CHCHD3: variants seen among roughly 807,000 people sequenced by gnomAD.
CHCHD3 encodes the protein MICOS complex subunit MIC19.
Under a neutral mutation model 38.2 loss-of-function variants are expected in CHCHD3, and 20 were observed. The observed-to-expected ratio is 0.52, with a 90% CI of 0.37 to 0.76. CHCHD3 has a LOEUF of 0.76. CHCHD3 is among the 30% of genes least tolerant of loss of function. The pLI, the probability that CHCHD3 is intolerant of heterozygous loss-of-function variation, is 0.00. For missense variants in CHCHD3, 245 were observed against 279.2 expected (o/e 0.88, Z 0.87); for synonymous variants, 82 against 100.0 (o/e 0.82, Z 1.07).
At chr7:132,911,287 C>T (rs371405016) in intron 4 of CHCHD3, among the ~76,000 whole-genome samples, 2 of 152,114 alleles carry the variant, frequency 1.3e-5, no homozygotes, top group African/African-American at 4.8e-5. Context: ...AGATGACTGG[C>T]CACCCCCATC....
At chr7:132,895,079 G>A (rs1395293028) in intron 4 of CHCHD3, among the ~76,000 whole-genome samples, 1 of 152,198 alleles carries the variant, frequency 6.6e-6, no homozygotes, top group African/African-American at 2.4e-5. Context: ...TTAGATATGA[G>A]TTCTTATCAG....
chr7:132,931,593 G>GTATAATTAATGTGGGTATTT, intron 4 of CHCHD3, among the ~76,000 whole-genome samples: 1 of 151,976 alleles, frequency 6.6e-6, no homozygotes, highest in Non-Finnish European at 1.5e-5. Context: ...ATAATTTTAG[G>GTATAATTAATGTGGGTATTT]CATTAATGTG....
chr7:132,901,242 G>A (rs1809658000), intron 4 of CHCHD3, among the ~76,000 whole-genome samples: 2 of 152,196 alleles, frequency 1.3e-5, no homozygotes, highest in Admixed American at 1.3e-4. Flanking sequence ...ATAAGATCTT[G>A]GGAATAACAA....
chr7:133,044,515 C>G (rs932802971), intron 2 of CHCHD3, among the ~76,000 whole-genome samples: 1 of 152,050 alleles, frequency 6.6e-6, no homozygotes, highest in Admixed American at 6.6e-5. Context: ...AATAATAATA[C>G]AAGAAGTACT....
In CHCHD3 at chr7:133,009,398, C is replaced by T. The variant is rs921664757; in HGVS notation, c.251+15148G>A. ...AAAAAAAAAAAAGTACAGGAACACA[C>T]TGAAACTCAGAACAATTTGCCATCC... On this transcript the variant is annotated intron_variant, in intron 3 of 7. Coordinates refer to ENST00000262570, the MANE Select transcript of CHCHD3 (RefSeq NM_017812.4). Among the ~76,000 whole-genome samples, 57 of 149,224 alleles carry T rather than the reference C, an allele frequency of 3.8e-4. 1 individual carries two copies. Among genetic ancestry groups the T allele is most frequent in the African/African-American group, 1.4e-3 (56 of 40,452 alleles).
At chr7:132,889,436 A>C (rs763086526) in intron 4 of CHCHD3, among the ~76,000 whole-genome samples, 1 of 152,152 alleles carries the variant, frequency 6.6e-6, no homozygotes, top group Non-Finnish European at 1.5e-5. Context: ...CAACAAATTT[A>C]ATTTTGAAGA....
At chr7:133,051,399 T>G (rs1275040840) in intron 2 of CHCHD3, among the ~76,000 whole-genome samples, 1 of 152,164 alleles carries the variant, frequency 6.6e-6, no homozygotes, top group Non-Finnish European at 1.5e-5. Flanking sequence ...CCTACCAACC[T>G]TGACAGTACC....
intron 3 of CHCHD3, 95 bp downstream of exon 3, chr7:133,024,451 C>T (rs1813276179): frequency 3.1e-6 from 3 of 974,432 alleles, no homozygotes; most frequent in South Asian, 1.3e-5. Flanking sequence ...CAGTCATACA[C>T]AAATAATGAG....
intron 5 of CHCHD3, among the ~76,000 whole-genome samples, chr7:132,883,612 G>T (rs920194704): frequency 1.3e-5 from 2 of 152,150 alleles, no homozygotes; most frequent in African/African-American, 2.4e-5. Flanking sequence ...ATACTTCAGG[G>T]TCTTTCAATT....
intron 4 of CHCHD3, among the ~76,000 whole-genome samples, chr7:132,941,570 G>A (rs781118830): frequency 9.2e-5 from 14 of 152,186 alleles, no homozygotes; most frequent in East Asian, 7.7e-4. Context: ...AACCCTCCAC[G>A]TTTACCACTT....
intron 7 of CHCHD3, among the ~76,000 whole-genome samples, chr7:132,792,390 A>G (rs754379877): frequency 1.3e-5 from 2 of 152,174 alleles, no homozygotes; most frequent in Non-Finnish European, 2.9e-5. Context: ...ATTCCCTCCC[A>G]GTTCTTTCTG....
chr7:132,906,468 C>A (rs1247354524), intron 4 of CHCHD3, among the ~76,000 whole-genome samples: 1 of 152,156 alleles, frequency 6.6e-6, no homozygotes, highest in Non-Finnish European at 1.5e-5. Flanking sequence ...CATTTCATAA[C>A]CTTTTCAAAA....
In CHCHD3 at chr7:132,788,656, G is replaced by A. The variant is rs1289064312; in HGVS notation, c.661-2996C>T. Among the ~76,000 whole-genome samples the A allele has an allele frequency of 6.6e-6, 1 of 152,170 alleles. No individual in the cohort carries two copies. Among genetic ancestry groups the A allele is most frequent in the Admixed American group, 6.5e-5 (1 of 15,280 alleles). On this transcript the variant is annotated intron_variant, in intron 7 of 7. Coordinates refer to ENST00000262570, the MANE Select transcript of CHCHD3 (RefSeq NM_017812.4). The surrounding 1 kb of genome is among the most constrained non-coding windows in gnomAD (Gnocchi z 4.0). ...ACAAGATGGGGCCTGGCTGGTCTGA[G>A]GATGAGCAGGCCAGTCTCACATAAA...
intron 4 of CHCHD3, among the ~76,000 whole-genome samples, chr7:132,886,040 G>A (rs1809200346): frequency 6.6e-6 from 1 of 152,096 alleles, no homozygotes; most frequent in Admixed American, 6.6e-5. Flanking sequence ...CTATCAAAGA[G>A]TAATTTCAAG....
chr7:133,004,882 C>T (rs1404742260), intron 3 of CHCHD3, among the ~76,000 whole-genome samples: 1 of 152,008 alleles, frequency 6.6e-6, no homozygotes, highest in Non-Finnish European at 1.5e-5. Flanking sequence ...CAAACCACTG[C>T]TGTCATATTT....
chr7:132,831,115 T>C (rs1277235849), intron 6 of CHCHD3, among the ~76,000 whole-genome samples: 1 of 152,198 alleles, frequency 6.6e-6, no homozygotes, highest in African/African-American at 2.4e-5. Flanking sequence ...CTTTTCTTCT[T>C]GTGTAAACTT....
At chr7:132,989,918 T>G (rs1338828282) in intron 3 of CHCHD3, among the ~76,000 whole-genome samples, 1 of 152,166 alleles carries the variant, frequency 6.6e-6, no homozygotes, top group Non-Finnish European at 1.5e-5. Context: ...TACGGGTGAA[T>G]AATGGTGGGA....
chr7:132,798,715 G>A (rs1337796312), intron 6 of CHCHD3, among the ~76,000 whole-genome samples: 3 of 151,984 alleles, frequency 2.0e-5, no homozygotes, highest in African/African-American at 4.8e-5. Flanking sequence ...ATTAACATAC[G>A]GGAAAAGACT....
intron 4 of CHCHD3, among the ~76,000 whole-genome samples, chr7:132,918,421 T>C (rs189692091): frequency 6.6e-6 from 1 of 152,304 alleles, no homozygotes; most frequent in African/African-American, 2.4e-5. Context: ...CGTGACACAT[T>C]TGTGAAACAC....
Sources: allele counts gnomAD v4.1 joint callset (sites outside exome capture counted in the v4.1 genomes callset), GRCh38; gene constraint gnomAD v4.1.1; non-coding constraint Gnocchi (gnomAD v3.1); transcripts MANE v1.5; gene names NCBI Gene and HGNC (gene_info 2026-07-23, HGNC 2026-07-21).